Variants in SP100 observed in about 807,000 individuals in gnomAD.
SP100 encodes the protein SP100 nuclear body protein, also known as nuclear autoantigen Sp-100.
Under a neutral mutation model 130.0 loss-of-function variants are expected in SP100, and 84 were observed. The observed-to-expected ratio is 0.65, with a 90% confidence interval of 0.54 to 0.77. SP100 has a LOEUF of 0.77. SP100 is among the 30% of genes least tolerant of loss of function. SP100 has a pLI of 0.00. For missense variants in SP100, 978 were observed against 1,052.2 expected, an observed-to-expected ratio of 0.93 and a Z score of 0.97; for synonymous variants, 331 against 351.7, an observed-to-expected ratio of 0.94 and a Z score of 0.66.
chr2:230,481,670 C>A lies in SP100; in HGVS notation c.1600+7223C>A, dbSNP rs539209249. Among the ~76,000 whole-genome samples, 13 of 152,230 alleles carry A rather than the reference C, an allele frequency of 8.5e-5. No homozygotes were observed. In the South Asian group the frequency reaches 2.7e-3, roughly 32 times the overall value. On this transcript the variant is annotated intron_variant, in intron 17 of 28. Transcript: ENST00000340126. ...TCCTTTCAGTGGTTTTCAGTCGAAC[C>A]TAGAAAAGTTTCCAGTTGAACCTAG...
intron 19 of SP100, among the ~76,000 whole-genome samples, chr2:230,499,502 A>ATATTTATTTTTT (rs2066891203): frequency 5.7e-4 from 4 of 6,988 alleles, no homozygotes; most frequent in African/African-American, 3.1e-3. Context: ...CCCTATATAT[A>ATATTTATTTTTT]TATATATAAA....
rs191869789 is a variant in SP100 at position 230,417,463 on chromosome 2, T to A, written c.33-128T>A. 76 of 1,190,510 alleles carry A rather than the reference T, an allele frequency of 6.4e-5. No individual in the cohort carries two copies. In the East Asian group the frequency reaches 1.9e-3, roughly 30 times the overall value. The allele number at this position is 1,190,510 out of a possible 1,614,324, so 73.7% of individuals were successfully genotyped here. A position where few individuals can be genotyped will look rare whatever the true frequency, so the allele number is the denominator to read the frequency against. On this transcript the variant is annotated intron_variant, in intron 1 of 28. Transcript: ENST00000340126. Reference sequence around the variant, plus strand: ...ATTTACCAATAAGCTATCATAACAATGATTATATATTTCTTTTTGGGTTTT... The same window carrying A: ...ATTTACCAATAAGCTATCATAACAAAGATTATATATTTCTTTTTGGGTTTT...
At chr2:230,454,458 A>C (rs2064168245) in intron 8 of SP100, among the ~76,000 whole-genome samples, 1 of 152,136 alleles carries the variant, frequency 6.6e-6, no homozygotes. Flanking sequence ...TGCTTTTGCT[A>C]TATCCCATAA....
At position 230,450,187 on chromosome 2, in the gene SP100, T is replaced by C. The variant is rs1291369122; in HGVS notation, c.752T>C (p.Ile251Thr). Residue 251 changes from isoleucine (I) to threonine (T), a missense_variant, in exon 8 of 29, where the codon ATT becomes ACT. Transcript: ENST00000340126. ...TTATCTCCAGAGTCCTGCGAACAAA[T>C]TGCTGTCCAAGTGAATAATGGGGAT... ...KAEPTESCEQ[I>T]AVQVNNGDAG... The C allele has an allele frequency of 3.1e-6, 5 of 1,613,464 alleles. No homozygotes were observed. Among genetic ancestry groups the C allele is most frequent in the Non-Finnish European group, 2.5e-6 (3 of 1,179,616 alleles).
At chr2:230,422,689 T>G (rs1158005945) in intron 2 of SP100, among the ~76,000 whole-genome samples, 2 of 152,230 alleles carry the variant, frequency 1.3e-5, no homozygotes, top group Non-Finnish European at 2.9e-5. Flanking sequence ...TAACTCTCTC[T>G]TATAGGTGGT....
rs139939504 is a variant in SP100, at chr2:230,444,288, C to G, written c.381C>G (p.Ser127Arg). The change falls in exon 4 of 29, where the codon AGC becomes AGG. Residue 127 changes from serine (S) to arginine (R), a missense_variant. Ser to Arg is a moderately radical substitution (Grantham distance 110). Coordinates refer to ENST00000340126, the MANE Select transcript of SP100 (RefSeq NM_001080391.2). ...FNLPVLEALF[S>R]DVNMQEYPDL... is the part of the protein sequence containing the mutation. ...TGCCAGTTCTGGAAGCACTGTTCAG[C>G]GATGTCAACATGCAGGAATACCCCG... 1.9e-6 allele frequency: 3 copies of G among 1,613,802 alleles called. No individual in the cohort carries two copies. The highest frequency in any genetic ancestry group is 2.5e-6 in the Non-Finnish European group (3 of 1,179,786).
At chr2:230,428,895 A>T (rs1198126584) in intron 2 of SP100, among the ~76,000 whole-genome samples, 1 of 152,216 alleles carries the variant, frequency 6.6e-6, no homozygotes, top group Non-Finnish European at 1.5e-5. Context: ...CAGTGGGGAC[A>T]TGGAGCCAAC....
chr2:230,455,632 ATAGG>A (rs1395788725), intron 8 of SP100, among the ~76,000 whole-genome samples: 1 of 152,128 alleles, frequency 6.6e-6, no homozygotes, highest in Non-Finnish European at 1.5e-5. Flanking sequence ...ATAATTACTG[ATAGG>A]TAAGTACTTT....
intron 22 of SP100, chr2:230,507,141 G>A (rs1690176962): frequency 6.6e-6 from 1 of 152,060 alleles, no homozygotes; most frequent in Non-Finnish European, 1.5e-5. Context: ...CAGTTACTCA[G>A]AAGACAGAAG....
At chr2:230,500,350 A>T (rs2066950712) in intron 19 of SP100, among the ~76,000 whole-genome samples, 1 of 152,176 alleles carries the variant, frequency 6.6e-6, no homozygotes, top group African/African-American at 2.4e-5. Context: ...GCACTTTATT[A>T]TACATGATCT....
intron 24 of SP100, among the ~76,000 whole-genome samples, chr2:230,523,548 G>A (rs1394559658): frequency 3.3e-5 from 5 of 151,970 alleles, no homozygotes; most frequent in Non-Finnish European, 7.4e-5. Context: ...CATTAATTAA[G>A]TTCAAAGTAT....
intron 23 of SP100, chr2:230,510,877 T>C (rs149290224): frequency 2.9e-4 from 158 of 544,780 alleles, no homozygotes; most frequent in Middle Eastern, 1.0e-3. Context: ...TCTCCCTGAA[T>C]GGTTTCACGA....
chr2:230,449,268 A>G lies in SP100; in HGVS notation c.586+118A>G, dbSNP rs773856858. The G allele has an allele frequency of 4.7e-6, 5 of 1,060,472 alleles. No homozygotes were observed. In the South Asian group the frequency reaches 5.1e-5, roughly 11 times the overall value. 65.7% of individuals were successfully genotyped at this position (1,060,472 alleles called of 1,614,324 possible). A position where few individuals can be genotyped will look rare whatever the true frequency, so the allele number is the denominator to read the frequency against. ...CAGAATTTTCAGGTTTTACATCTAC[A>G]GTTTTTCCATTTCTGGGATTTAAAT... On this transcript the variant is annotated intron_variant, in intron 6 of 28. Transcript: ENST00000340126.
chr2:230,476,554 T>A (rs950896649), intron 17 of SP100, among the ~76,000 whole-genome samples: 6 of 152,226 alleles, frequency 3.9e-5, no homozygotes, highest in Non-Finnish European at 8.8e-5. Context: ...TGAAAATAGA[T>A]GTTCTTGTGA....
At chr2:230,508,636 TA>T (rs1362890983) in intron 23 of SP100, 2 of 152,078 alleles carry the variant, frequency 1.3e-5, no homozygotes, top group Admixed American at 6.6e-5. Context: ...TCTTTAAATA[TA>T]AAAGATAGAG....
intron 8 of SP100, among the ~76,000 whole-genome samples, chr2:230,460,550 G>A (rs567140625): frequency 1.3e-5 from 2 of 150,074 alleles, no homozygotes; most frequent in African/African-American, 4.9e-5. Flanking sequence ...CAGTTAATGG[G>A]AAGTGTCACC....
intron 28 of SP100, 103 bp downstream of exon 28, chr2:230,542,138 T>C (rs1692201672): frequency 8.2e-7 from 1 of 1,221,080 alleles, no homozygotes; most frequent in Middle Eastern, 2.0e-4. Context: ...ATCGCCCTTA[T>C]CATATGACAA....
chr2:230,485,331 A>T (rs1360570667), intron 17 of SP100, among the ~76,000 whole-genome samples: 1 of 151,972 alleles, frequency 6.6e-6, no homozygotes, highest in Non-Finnish European at 1.5e-5. Context: ...TATTATTGTC[A>T]TTTGCTAAAT....
intron 18 of SP100, among the ~76,000 whole-genome samples, chr2:230,494,760 GAA>G (rs200618509): frequency 6.6e-6 from 1 of 150,978 alleles, no homozygotes; most frequent in African/African-American, 2.4e-5. Flanking sequence ...CAGTGGGAAT[GAA>G]AAAAAAATTG....
Sources: allele counts gnomAD v4.1 joint callset (sites outside exome capture counted in the v4.1 genomes callset), GRCh38; gene constraint gnomAD v4.1.1; transcripts MANE v1.5; gene names NCBI Gene and HGNC (gene_info 2026-07-23, HGNC 2026-07-21).